The following TSC22D1 variants were observed in gnomAD, a reference collection of about 807,000 sequenced individuals.
TSC22D1 encodes TSC22 domain family protein 1.
Under a neutral mutation model 74.2 loss-of-function variants are expected in TSC22D1, and 9 were observed. That is an observed-to-expected ratio of 0.12 (90% confidence interval 0.07 to 0.21). The LOEUF (loss-of-function observed/expected upper bound fraction) is 0.21, where lower values mean the gene tolerates loss of function less well. Among genes scored for constraint, TSC22D1 ranks in the 10% least tolerant of loss-of-function variants. The pLI, the probability that TSC22D1 is intolerant of heterozygous loss-of-function variation, is 1.00. For missense variants in TSC22D1, 1,427 were observed against 1,304.7 expected (o/e 1.09, Z -1.44); for synonymous variants, 586 against 492.5 (o/e 1.19, Z -2.51).
At chr13:44,519,418 A>G (rs1239774286) in intron 1 of TSC22D1, among the ~76,000 whole-genome samples, 1 of 152,200 alleles carries the variant, frequency 6.6e-6, no homozygotes, top group Non-Finnish European at 1.5e-5. Flanking sequence ...GAGAAATGGC[A>G]CGCAAAAATG....
chr13:44,495,172 G>A (rs1878908703), intron 1 of TSC22D1, among the ~76,000 whole-genome samples: 1 of 150,848 alleles, frequency 6.6e-6, no homozygotes, highest in Admixed American at 6.7e-5. Flanking sequence ...AGAATAGACA[G>A]AAAAGGAAAG....
In TSC22D1 at chr13:44,532,646, T is replaced by A. The variant is rs769073798; in HGVS notation, c.2912+40517A>T. Among the ~76,000 whole-genome samples the A allele has an allele frequency of 2.1e-4, 32 of 152,080 alleles. No individual in the cohort carries two copies. In the East Asian group the frequency reaches 2.9e-3, roughly 14 times the overall value. On this transcript the variant is annotated intron_variant, in intron 1 of 2. Transcript: ENST00000458659. ...ACGCCACCATGCCCGGCTATTTTTT[T>A]AATATTTTTAGTACAGACGGGGTTT...
chr13:44,538,835 C>T (rs1005491683), intron 1 of TSC22D1: 4 of 985,376 alleles, frequency 4.1e-6, no homozygotes, highest in Non-Finnish European at 4.8e-6. Flanking sequence ...GAAGGCTCTG[C>T]TAGAAGAATT....
At position 44,576,296 on chromosome 13, in the gene TSC22D1, AG is replaced by A. The variant is rs890504963; in HGVS notation, c.-223del. ...GTGAACAGGGCGGCCGGGGACCCGA[AG>A]GGGGGATCCCTTCAGTCCTTCGCCA... On this transcript the variant is annotated 5_prime_UTR_variant, in exon 1 of 3. Coordinates refer to ENST00000458659, the MANE Select transcript of TSC22D1 (RefSeq NM_183422.4). 3 of 595,860 alleles carry A rather than the reference AG, an allele frequency of 5.0e-6. No homozygotes were observed. The highest frequency in any genetic ancestry group is 2.9e-5 in the East Asian group (1 of 34,282). 36.9% of individuals were successfully genotyped at this position (595,860 alleles called of 1,614,324 possible).
intron 1 of TSC22D1, among the ~76,000 whole-genome samples, chr13:44,484,714 C>G (rs1200459730): frequency 1.3e-5 from 2 of 152,184 alleles, no homozygotes; most frequent in African/African-American, 4.8e-5. Flanking sequence ...ACATATGCAG[C>G]ACCACAGAAT....
intron 1 of TSC22D1, among the ~76,000 whole-genome samples, chr13:44,545,869 T>G (rs1310548470): frequency 6.6e-6 from 1 of 151,686 alleles, no homozygotes; most frequent in Non-Finnish European, 1.5e-5. Context: ...CCCAGCTACT[T>G]GGGAGGCTGA....
intron 1 of TSC22D1, among the ~76,000 whole-genome samples, chr13:44,472,529 G>A (rs891673250): frequency 5.9e-5 from 9 of 152,040 alleles, no homozygotes; most frequent in African/African-American, 1.9e-4. Flanking sequence ...TCCCTAAAAC[G>A]GAAACATGAA....
At chr13:44,572,884 T>G (rs1424831798) in intron 1 of TSC22D1, among the ~76,000 whole-genome samples, 1 of 152,240 alleles carries the variant, frequency 6.6e-6, no homozygotes, top group Non-Finnish European at 1.5e-5. Flanking sequence ...AAAAGCATTT[T>G]AGAGATAATA....
chr13:44,533,467 T>TAA (rs111385787), intron 1 of TSC22D1, among the ~76,000 whole-genome samples: 141 of 125,244 alleles, frequency 1.1e-3, no homozygotes, highest in African/African-American at 3.7e-3. Flanking sequence ...CAAATAAAAT[T>TAA]AAAAAAAAAA....
At chr13:44,509,627 G>A (rs570885144) in intron 1 of TSC22D1, among the ~76,000 whole-genome samples, 2 of 152,232 alleles carry the variant, frequency 1.3e-5, no homozygotes, top group South Asian at 2.1e-4. Context: ...GCGACAGAGC[G>A]AGACTCCATC....
At chr13:44,436,782 T>G in intron 1 of TSC22D1, 1 of 1,449,818 alleles carries the variant, frequency 6.9e-7, no homozygotes, top group Non-Finnish European at 9.0e-7. Context: ...GGCTTGATGA[T>G]CCCAGGCAGA....
At chr13:44,571,343 G>A (rs1255911143) in intron 1 of TSC22D1, among the ~76,000 whole-genome samples, 1 of 151,920 alleles carries the variant, frequency 6.6e-6, no homozygotes, top group African/African-American at 2.4e-5. Context: ...ATCTTAAACT[G>A]GGACCCTATT....
At chr13:44,551,440 CAG>C (rs1882268616) in intron 1 of TSC22D1, among the ~76,000 whole-genome samples, 1 of 133,260 alleles carries the variant, frequency 7.5e-6, no homozygotes, top group Non-Finnish European at 1.7e-5. Flanking sequence ...GTGTCTGAGA[CAG>C]AGTCTCACTC....
chr13:44,535,197 C>T (rs969758326), intron 1 of TSC22D1, among the ~76,000 whole-genome samples: 1 of 152,118 alleles, frequency 6.6e-6, no homozygotes, highest in African/African-American at 2.4e-5. Flanking sequence ...AAACATTAAA[C>T]ATATTTTGAA....
At chr13:44,536,929 A>G (rs1881168175) in intron 1 of TSC22D1, 6 of 328,678 alleles carry the variant, frequency 1.8e-5, no homozygotes, top group African/African-American at 1.4e-4. Flanking sequence ...TTTTTCTGAA[A>G]AAAAAAAAAA....
intron 1 of TSC22D1, among the ~76,000 whole-genome samples, chr13:44,504,481 G>C (rs1273851383): frequency 1.9e-4 from 29 of 151,904 alleles, no homozygotes; most frequent in Non-Finnish European, 4.4e-5. Flanking sequence ...GCTTGCGCCT[G>C]TGTTCCCAGC....
intron 1 of TSC22D1, among the ~76,000 whole-genome samples, chr13:44,528,778 A>T (rs1309470186): frequency 6.6e-6 from 1 of 152,050 alleles, no homozygotes; most frequent in African/African-American, 2.4e-5. Flanking sequence ...AAAGACACCA[A>T]AAAATAATAC....
chr13:44,434,168 C>T lies in TSC22D1; in HGVS notation c.*458G>A. On this transcript the variant is annotated 3_prime_UTR_variant, in exon 3 of 3. Coordinates refer to ENST00000458659, the MANE Select transcript of TSC22D1 (RefSeq NM_183422.4). ...GAACTCTGTTCCCCCTCATTTTAGTCTTTTTACCCTCCTTTCAAGTTCCTC... is the reference window on the plus strand; with the variant it reads ...GAACTCTGTTCCCCCTCATTTTAGTTTTTTTACCCTCCTTTCAAGTTCCTC... 1 of 1,475,334 alleles carries T rather than the reference C, an allele frequency of 6.8e-7. No individual in the cohort carries two copies. Among genetic ancestry groups the T allele is most frequent in the Non-Finnish European group, 8.9e-7 (1 of 1,128,028 alleles). 91.4% of individuals were successfully genotyped at this position (1,475,334 alleles called of 1,614,324 possible). A position where few individuals can be genotyped will look rare whatever the true frequency, so the allele number is the denominator to read the frequency against.
At chr13:44,435,809 C>T (rs1874552489) in intron 2 of TSC22D1, 2 of 561,580 alleles carry the variant, frequency 3.6e-6, no homozygotes, top group South Asian at 4.1e-5. Flanking sequence ...AAAATCCCGT[C>T]GTGTGAAACC....
Sources: gnomAD v4.1 joint callset for allele counts (sites outside exome capture counted in the v4.1 genomes callset) on GRCh38, gnomAD v4.1.1 for gene constraint, MANE v1.5 for transcripts, NCBI Gene and HGNC (gene_info 2026-07-23, HGNC 2026-07-21) for gene names.